The following NUSAP1 variants were observed in gnomAD, a reference collection of about 807,000 sequenced individuals.
The protein encoded by NUSAP1 is nucleolar and spindle associated protein 1.
In NUSAP1, 32 loss-of-function variants were observed where a neutral mutation model predicts 52.8. That is an observed-to-expected ratio of 0.61 (90% CI 0.46 to 0.81). The LOEUF (loss-of-function observed/expected upper bound fraction) is 0.81, where lower values mean the gene tolerates loss of function less well. Among genes scored for constraint, NUSAP1 ranks in the 40% least tolerant of loss-of-function variants. NUSAP1 has a pLI of 0.00. For missense variants in NUSAP1, 499 were observed against 522.3 expected, an observed-to-expected ratio of 0.96 and a Z score of 0.43; for synonymous variants, 195 against 183.1, an observed-to-expected ratio of 1.06 and a Z score of -0.52.
In NUSAP1 at chr15:41,356,139, AAGT is replaced by A; in HGVS notation, c.550+1_550+3del. On this transcript the variant is annotated splice_donor_variant and coding_sequence_variant, in exon 5 of 11. Transcript: ENST00000559596. LOFTEE classifies it high-confidence loss of function. The stretch of plus-strand genomic sequence containing the variant: ...ATAAAAGAACTGCAATCACTACTCC[AAGT>A]AAGTTTTGTAGACAAAGCCATAATA... 6.4e-7 allele frequency: 1 copy of A among 1,573,834 alleles called. No individual in the cohort carries two copies. Among genetic ancestry groups the A allele is most frequent in the Non-Finnish European group, 8.7e-7 (1 of 1,150,356 alleles).
At chr15:41,355,834 G>A (rs192682124) in intron 4 of NUSAP1, among the ~76,000 whole-genome samples, 78 of 151,818 alleles carry the variant, frequency 5.1e-4, no homozygotes, top group African/African-American at 1.7e-3. Context: ...CCACCACCAC[G>A]CCCGGCTGAC....
intron 7 of NUSAP1, among the ~76,000 whole-genome samples, chr15:41,368,728 C>CTTTTTTTTTTT (rs57501156): frequency 3.8e-5 from 3 of 77,940 alleles, no homozygotes; most frequent in African/African-American, 5.3e-5. Context: ...TTATTTTATT[C>CTTTTTTTTTTT]TTTTTTTTTT....
intron 10 of NUSAP1, among the ~76,000 whole-genome samples, chr15:41,378,850 G>A (rs1456178944): frequency 6.9e-6 from 1 of 145,890 alleles, no homozygotes; most frequent in Admixed American, 6.9e-5. Flanking sequence ...CTAGAACCAG[G>A]ATCTACTGAG....
intron 1 of NUSAP1, among the ~76,000 whole-genome samples, chr15:41,341,354 C>T (rs1595530923): frequency 6.6e-6 from 1 of 152,100 alleles, no homozygotes; most frequent in African/African-American, 2.4e-5. Context: ...ATGAGCCACC[C>T]CGCTCAACCA....
intron 1 of NUSAP1, among the ~76,000 whole-genome samples, chr15:41,333,389 G>A (rs910823928): frequency 1.3e-5 from 2 of 152,144 alleles, no homozygotes; most frequent in Non-Finnish European, 2.9e-5. Context: ...AGCACAAGGG[G>A]TGTCGTTAAT....
At chr15:41,360,825 C>T (rs1241704799) in intron 6 of NUSAP1, among the ~76,000 whole-genome samples, 2 of 140,602 alleles carry the variant, frequency 1.4e-5, no homozygotes, top group African/African-American at 2.6e-5. Flanking sequence ...CGATGAGTCT[C>T]ACTGTGTCAC....
At chr15:41,379,098 T>G (rs1315524945) in intron 10 of NUSAP1, among the ~76,000 whole-genome samples, 1 of 150,688 alleles carries the variant, frequency 6.6e-6, no homozygotes, top group African/African-American at 2.4e-5. Context: ...GGATTACAGG[T>G]TCCCGCCCCC....
At chr15:41,363,108 G>A (rs182917020) in intron 6 of NUSAP1, among the ~76,000 whole-genome samples, 300 of 151,994 alleles carry the variant, frequency 2.0e-3, no homozygotes, top group African/African-American at 6.9e-3. Context: ...CCAACATGGC[G>A]AAACCCCGTC....
At chr15:41,341,874 G>T (rs1033597872) in intron 1 of NUSAP1, among the ~76,000 whole-genome samples, 2 of 152,244 alleles carry the variant, frequency 1.3e-5, no homozygotes, top group East Asian at 3.9e-4. Context: ...TAACATCACG[G>T]CCCTGCTCAC....
chr15:41,354,052 A>G lies in NUSAP1; in HGVS notation c.449-1987A>G, dbSNP rs533177274. On this transcript the variant is annotated intron_variant, in intron 4 of 10. Transcript: ENST00000559596. Reference sequence around the variant, plus strand: ...AGTGGGAAAAAATACCTAACCTAATATATACCATAATTTCAACTGAAGTTA... The same window carrying G: ...AGTGGGAAAAAATACCTAACCTAATGTATACCATAATTTCAACTGAAGTTA... 4.9e-4 allele frequency among the ~76,000 whole-genome samples: 75 copies of G among 152,336 alleles called. 1 individual carries two copies. Among genetic ancestry groups the G allele is most frequent in the Admixed American group, 5.2e-4 (8 of 15,288 alleles).
At chr15:41,378,307 A>G in intron 10 of NUSAP1, among the ~76,000 whole-genome samples, 1 of 152,200 alleles carries the variant, frequency 6.6e-6, no homozygotes, top group East Asian at 1.9e-4. Flanking sequence ...CCCTATAAAG[A>G]GGAAAAACCC....
chr15:41,375,257 A>G (rs1260843708), intron 8 of NUSAP1, among the ~76,000 whole-genome samples: 1 of 148,120 alleles, frequency 6.8e-6, no homozygotes, highest in Non-Finnish European at 1.5e-5. Context: ...AGCTCACCAC[A>G]ACCTCCGCCT....
intron 1 of NUSAP1, among the ~76,000 whole-genome samples, chr15:41,341,075 G>C (rs1272543738): frequency 6.6e-6 from 1 of 152,118 alleles, no homozygotes; most frequent in African/African-American, 2.4e-5. Context: ...CTTGACTTTT[G>C]TTTTTTAAAC....
At chr15:41,339,266 T>A (rs948182524) in intron 1 of NUSAP1, among the ~76,000 whole-genome samples, 5 of 152,142 alleles carry the variant, frequency 3.3e-5, no homozygotes, top group African/African-American at 1.2e-4. Context: ...TATTTAGTGG[T>A]AAAGAATCAT....
intron 7 of NUSAP1, among the ~76,000 whole-genome samples, chr15:41,370,152 C>T (rs1317727957): frequency 6.6e-6 from 1 of 151,562 alleles, no homozygotes; most frequent in Non-Finnish European, 1.5e-5. Context: ...GAGGCCGAGA[C>T]GGGCGGATCA....
intron 10 of NUSAP1, 55 bp downstream of exon 10, chr15:41,377,359 CTG>C: frequency 2.1e-6 from 2 of 950,104 alleles, no homozygotes; most frequent in South Asian, 3.2e-5. Context: ...AGCAGCACCT[CTG>C]AGGGATAGGG....
rs1421338499 is a variant in NUSAP1, at chr15:41,381,005, A to G, written c.*819A>G. The G allele has an allele frequency of 6.6e-6, 1 of 152,208 alleles. No individual in the cohort carries two copies. The highest frequency in any genetic ancestry group is 1.5e-5 in the Non-Finnish European group (1 of 68,038). 9.4% of individuals were successfully genotyped at this position (152,208 alleles called of 1,614,324 possible). A position where few individuals can be genotyped will look rare whatever the true frequency, so the allele number is the denominator to read the frequency against. ...CCTCAGTGGAGCTTCTGAGTTTTAT[A>G]CTGCTCAAGATCGTCATAAATAAAA... is the stretch of plus-strand genomic sequence containing the variant. On this transcript the variant is annotated 3_prime_UTR_variant, in exon 11 of 11. Coordinates refer to ENST00000559596, the MANE Select transcript of NUSAP1 (RefSeq NM_016359.5).
At chr15:41,371,732 G>A (rs764360350) in intron 8 of NUSAP1, 48 bp downstream of exon 8, 3 of 1,546,578 alleles carry the variant, frequency 1.9e-6, no homozygotes, top group Non-Finnish European at 2.6e-6. Context: ...TTTAAGCCAT[G>A]TAACTTCCCA....
At chr15:41,353,343 T>C (rs964967158) in intron 4 of NUSAP1, among the ~76,000 whole-genome samples, 2 of 152,156 alleles carry the variant, frequency 1.3e-5, no homozygotes, top group East Asian at 1.9e-4. Flanking sequence ...GGTTTCACCA[T>C]GTTGGCCAGA....
Sources: allele counts gnomAD v4.1 joint callset (sites outside exome capture counted in the v4.1 genomes callset), GRCh38; gene constraint gnomAD v4.1.1; transcripts MANE v1.5; gene names NCBI Gene and HGNC (gene_info 2026-07-23, HGNC 2026-07-21).